The following DAAM1 variants were observed in gnomAD, a reference collection of about 807,000 sequenced individuals.
DAAM1 encodes disheveled-associated activator of morphogenesis 1.
A neutral mutation model predicts 130.0 loss-of-function variants in DAAM1; 52 were observed. That is an observed-to-expected ratio of 0.40 (90% CI 0.32 to 0.50). The LOEUF (loss-of-function observed/expected upper bound fraction) is 0.50, where lower values mean the gene tolerates loss of function less well. DAAM1 is among the 20% of genes least tolerant of loss of function. DAAM1 has a pLI of 0.61. For synonymous variants in DAAM1, 452 were observed against 444.5 expected (o/e 1.02, Z -0.21); for missense variants, 1,134 against 1,303.8 (o/e 0.87, Z 2.01).
At chr14:59,263,793 C>T in intron 2 of DAAM1, 133 bp downstream of exon 2, 1 of 1,079,838 alleles carries the variant, frequency 9.3e-7, no homozygotes, top group Non-Finnish European at 1.4e-6. Context: ...ACCTTTATGT[C>T]TGCACCCTCA....
intron 2 of DAAM1, among the ~76,000 whole-genome samples, chr14:59,289,389 C>G (rs1321257700): frequency 1.3e-5 from 2 of 152,082 alleles, no homozygotes; most frequent in East Asian, 1.9e-4. Flanking sequence ...CCAATCACAT[C>G]AATTACTAAT....
intron 1 of DAAM1, among the ~76,000 whole-genome samples, chr14:59,260,390 A>G (rs1319807514): frequency 6.6e-6 from 1 of 152,178 alleles, no homozygotes. Context: ...TTGTCACAGA[A>G]CTAACTGCTG....
chr14:59,330,603 A>G lies in DAAM1; in HGVS notation c.1475A>G (p.Glu492Gly). The G allele has an allele frequency of 6.2e-7, 1 of 1,614,102 alleles. No individual in the cohort carries two copies. The highest frequency in any genetic ancestry group is 8.5e-7 in the Non-Finnish European group (1 of 1,179,990). Residue 492 changes from glutamate to glycine, a missense_variant, in exon 13 of 25, where the codon GAG becomes GGG. This residue lies in a region of DAAM1 where 391 missense variants were observed against 521.6 expected (regional missense o/e 0.75). Transcript: ENST00000360909. ...ATGCAGACCTTAAATAAAATGAAAG[A>G]GAAACTTGAAAAGGAGACTACTGAG... ...EMMQTLNKMK[E>G]KLEKETTEHK...
At chr14:59,203,198 T>C (rs959418476) in intron 1 of DAAM1, among the ~76,000 whole-genome samples, 37 of 134,380 alleles carry the variant, frequency 2.8e-4, no homozygotes, top group African/African-American at 8.9e-4. Context: ...TTAGTAGAGA[T>C]GGGGTTTCAC....
At chr14:59,236,661 G>A (rs1459540044) in intron 1 of DAAM1, among the ~76,000 whole-genome samples, 1 of 152,042 alleles carries the variant, frequency 6.6e-6, no homozygotes, top group Non-Finnish European at 1.5e-5. Flanking sequence ...TCTGAAATTA[G>A]AGTGATTATC....
chr14:59,212,631 A>T (rs998840537), intron 1 of DAAM1, among the ~76,000 whole-genome samples: 1 of 152,224 alleles, frequency 6.6e-6, no homozygotes, highest in Non-Finnish European at 1.5e-5. Flanking sequence ...TTTCCTACCC[A>T]GCTTGGACAT....
intron 1 of DAAM1, among the ~76,000 whole-genome samples, chr14:59,228,215 AT>A (rs1191440226): frequency 6.6e-6 from 1 of 152,150 alleles, no homozygotes; most frequent in African/African-American, 2.4e-5. Flanking sequence ...ACATTCTGTC[AT>A]TCTCTATTCA....
chr14:59,269,105 A>G (rs892107278), intron 2 of DAAM1, among the ~76,000 whole-genome samples: 5 of 152,216 alleles, frequency 3.3e-5, no homozygotes, highest in African/African-American at 1.2e-4. Flanking sequence ...GTAACTGGTG[A>G]GCAAAAGACA....
chr14:59,234,958 T>C (rs1225288266), intron 1 of DAAM1, among the ~76,000 whole-genome samples: 2 of 152,218 alleles, frequency 1.3e-5, no homozygotes, highest in East Asian at 1.9e-4. Flanking sequence ...TTGATTTGTG[T>C]ATGTTGAACC....
intron 1 of DAAM1, among the ~76,000 whole-genome samples, chr14:59,239,021 A>G (rs980499511): frequency 2.6e-5 from 4 of 152,216 alleles, no homozygotes; most frequent in Non-Finnish European, 5.9e-5. Context: ...GGGTGACCCT[A>G]TGCAGGTCAC....
rs149923176 is a variant in DAAM1 at position 59,363,549 on chromosome 14, A to T, written c.2695-102A>T. 42 of 1,513,260 alleles carry T rather than the reference A, an allele frequency of 2.8e-5. No individual in the cohort carries two copies. The East Asian group carries it at 9.6e-4, about 35-fold the overall frequency. 93.7% of individuals were successfully genotyped at this position (1,513,260 alleles called of 1,614,324 possible). The stretch of plus-strand genomic sequence containing the variant: ...TAGAACAAGTTTTGATGTGTTTGCC[A>T]TTCTGATTTATTAAATTTAAGGCAT... On this transcript the variant is annotated intron_variant, in intron 22 of 24. Coordinates refer to ENST00000360909, the MANE Select transcript of DAAM1 (RefSeq NM_001270520.2).
In DAAM1 at chr14:59,359,446, C is replaced by G; in HGVS notation, c.2575C>G (p.Pro859Ala). The G allele has an allele frequency of 6.2e-7, 1 of 1,613,690 alleles. No homozygotes were observed. Among genetic ancestry groups the G allele is most frequent in the Non-Finnish European group, 8.5e-7 (1 of 1,179,844 alleles). ...YLITIVENKY[P>A]SVLNLNEELR... is the part of the protein sequence containing the mutation. Reference sequence around the variant, plus strand: ...CATCACTATTGTGGAAAATAAGTACCCCAGTGTTCTCAATCTAAATGAAGA... The same window carrying G: ...CATCACTATTGTGGAAAATAAGTACGCCAGTGTTCTCAATCTAAATGAAGA... The change falls in exon 21 of 25, where the codon CCC (proline) becomes GCC (alanine). Residue 859 changes from proline to alanine, a missense_variant. Around this residue, in one of 3 missense-constraint regions of DAAM1, gnomAD observed 644 missense variants for 695.9 expected, o/e 0.93. Coordinates refer to ENST00000360909, the MANE Select transcript of DAAM1 (RefSeq NM_001270520.2).
intron 15 of DAAM1, among the ~76,000 whole-genome samples, chr14:59,339,025 T>C (rs150129053): frequency 5.9e-4 from 90 of 152,360 alleles, no homozygotes; most frequent in Middle Eastern, 3.4e-3. Context: ...ATTTTGTAGT[T>C]TGTAGAACTG....
chr14:59,245,960 C>T (rs1343726562), intron 1 of DAAM1, among the ~76,000 whole-genome samples: 3 of 152,080 alleles, frequency 2.0e-5, no homozygotes, highest in African/African-American at 7.2e-5. Context: ...TCTAGAAAGA[C>T]AAAATGAGAC....
chr14:59,199,982 C>T (rs931183289), intron 1 of DAAM1, among the ~76,000 whole-genome samples: 12 of 152,188 alleles, frequency 7.9e-5, no homozygotes, highest in African/African-American at 2.7e-4. Context: ...AATCATTGAA[C>T]CAAGCCTGGA....
intron 15 of DAAM1, 25 bp downstream of exon 15, chr14:59,331,945 C>A: frequency 6.3e-7 from 1 of 1,587,486 alleles, no homozygotes; most frequent in African/African-American, 1.4e-5. Flanking sequence ...CCTCCAGACA[C>A]CAAAAAGGTA....
At chr14:59,307,603 C>T (rs1166172802) in intron 3 of DAAM1, among the ~76,000 whole-genome samples, 1 of 152,096 alleles carries the variant, frequency 6.6e-6, no homozygotes, top group Non-Finnish European at 1.5e-5. Context: ...TCTGGGCAAA[C>T]GTGGCATTTT....
chr14:59,327,772 T>G (rs1388897894), intron 12 of DAAM1, among the ~76,000 whole-genome samples: 1 of 152,158 alleles, frequency 6.6e-6, no homozygotes, highest in Non-Finnish European at 1.5e-5. Context: ...AAAAGAGAAG[T>G]CATTCAGAAA....
intron 3 of DAAM1, among the ~76,000 whole-genome samples, chr14:59,301,724 T>G (rs1168060233): frequency 1.3e-5 from 2 of 152,180 alleles, no homozygotes; most frequent in African/African-American, 4.8e-5. Context: ...TTTATAAAGA[T>G]TTTGAGACTC....
Sources: gnomAD v4.1 joint callset for allele counts (sites outside exome capture counted in the v4.1 genomes callset) on GRCh38, gnomAD v4.1.1 for gene constraint, gnomAD v4.1.1 regional missense constraint, MANE v1.5 for transcripts, NCBI Gene and HGNC (gene_info 2026-07-23, HGNC 2026-07-21) for gene names.